NKAIN3: variants seen among roughly 807,000 people sequenced by gnomAD.
NKAIN3 encodes sodium/potassium transporting ATPase interacting 3, also known as sodium/potassium-transporting ATPase subunit beta-1-interacting protein 3.
A neutral mutation model predicts 30.2 loss-of-function variants in NKAIN3; 25 were observed. The observed-to-expected ratio is 0.83, with a 90% confidence interval of 0.60 to 1.16. The LOEUF is 1.16. NKAIN3 is among the 50% of genes most tolerant of loss of function. NKAIN3 has a pLI of 0.00. For synonymous variants in NKAIN3, 91 were observed against 89.6 expected, an observed-to-expected ratio of 1.02 and a Z score of -0.09; for missense variants, 225 against 254.1, an observed-to-expected ratio of 0.89 and a Z score of 0.78.
intron 4 of NKAIN3, among the ~76,000 whole-genome samples, chr8:62,872,450 T>G (rs1253143028): frequency 6.6e-6 from 1 of 152,198 alleles, no homozygotes; most frequent in African/African-American, 2.4e-5. Flanking sequence ...GTAAAGCTCA[T>G]GCACAACAGC....
intron 1 of NKAIN3, among the ~76,000 whole-genome samples, chr8:62,518,943 C>T (rs189848158): frequency 6.6e-6 from 1 of 152,124 alleles, no homozygotes; most frequent in East Asian, 1.9e-4. Context: ...ACTAGGCAAT[C>T]TCTCAGAGTC....
intron 1 of NKAIN3, among the ~76,000 whole-genome samples, chr8:62,427,641 G>A (rs532868498): frequency 1.2e-4 from 18 of 151,958 alleles, no homozygotes; most frequent in Admixed American, 1.2e-3. Context: ...TCCTACAAGT[G>A]TCATGTTTTC....
At chr8:62,889,096 C>T (rs998252644) in intron 4 of NKAIN3, among the ~76,000 whole-genome samples, 23 of 152,096 alleles carry the variant, frequency 1.5e-4, no homozygotes, top group Admixed American at 3.9e-4. Context: ...AGTCCAGGCA[C>T]GGTGACTCAC....
intron 4 of NKAIN3, among the ~76,000 whole-genome samples, chr8:62,885,571 C>T (rs1010625851): frequency 1.3e-5 from 2 of 152,200 alleles, no homozygotes; most frequent in African/African-American, 2.4e-5. Flanking sequence ...CATTTCTGAA[C>T]AGGGACATTG....
chr8:62,854,599 T>A (rs1563595093), intron 4 of NKAIN3, among the ~76,000 whole-genome samples: 1 of 152,220 alleles, frequency 6.6e-6, no homozygotes, highest in Non-Finnish European at 1.5e-5. Flanking sequence ...CTTTGCATGT[T>A]AGATAGCTCT....
intron 4 of NKAIN3, among the ~76,000 whole-genome samples, chr8:62,755,623 T>C (rs942953719): frequency 6.6e-6 from 1 of 151,986 alleles, no homozygotes; most frequent in African/African-American, 2.4e-5. Context: ...CCCAAAAGCC[T>C]CCCAGGATTA....
intron 4 of NKAIN3, among the ~76,000 whole-genome samples, chr8:62,881,180 C>G (rs4739016): frequency 2.6e-5 from 4 of 151,962 alleles, no homozygotes; most frequent in African/African-American, 9.7e-5. Flanking sequence ...ACTCTTGACA[C>G]TGTACATTCT....
At chr8:62,271,109 T>C (rs1812765998) in intron 1 of NKAIN3, among the ~76,000 whole-genome samples, 1 of 152,204 alleles carries the variant, frequency 6.6e-6, no homozygotes, top group African/African-American at 2.4e-5. Flanking sequence ...GCTTTAGTTT[T>C]AGTTAGAAAT....
At chr8:62,735,358 CTTTCTTTCTTTCTTTCTTTCTTTT>C (rs1307872802) in intron 3 of NKAIN3, among the ~76,000 whole-genome samples, 2 of 12,404 alleles carry the variant, frequency 1.6e-4, no homozygotes, top group African/African-American at 3.0e-4. Flanking sequence ...TTCTTTCTTT[CTTTCTTTCTTTCTTTCTTTCTTTT>C]TTTTTTTTTT....
chr8:62,654,914 G>A lies in NKAIN3; in HGVS notation c.273+65120G>A, dbSNP rs150663564. Among the ~76,000 whole-genome samples, 921 of 152,264 alleles carry A rather than the reference G, an allele frequency of 6.0e-3. 7 individuals are homozygous for A. Among genetic ancestry groups the A allele is most frequent in the Middle Eastern group, 0.031 (9 of 294 alleles). On this transcript the variant is annotated intron_variant, in intron 3 of 6. Transcript: ENST00000623646. The stretch of plus-strand genomic sequence containing the variant: ...AATCCCCATAGTTATGGGGAAGGAC[G>A]ATAGCAGGATTATTGCTATAGGTAG...
intron 3 of NKAIN3, among the ~76,000 whole-genome samples, chr8:62,686,035 A>C (rs957186213): frequency 1.3e-5 from 2 of 152,140 alleles, no homozygotes; most frequent in East Asian, 3.9e-4. Context: ...TTTCGAGAGA[A>C]ATCTGCATTG....
At chr8:62,870,738 T>C (rs1820614202) in intron 4 of NKAIN3, among the ~76,000 whole-genome samples, 1 of 96,124 alleles carries the variant, frequency 1.0e-5, no homozygotes, top group Non-Finnish European at 2.2e-5. Context: ...TATATCTATA[T>C]ATATCTAGAT....
chr8:62,941,383 C>A (rs536567885), intron 5 of NKAIN3, among the ~76,000 whole-genome samples: 2 of 152,104 alleles, frequency 1.3e-5, no homozygotes, highest in African/African-American at 4.8e-5. Flanking sequence ...AGAAGAAATT[C>A]TTCCTCAATC....
At chr8:62,684,908 A>G (rs560288031) in intron 3 of NKAIN3, among the ~76,000 whole-genome samples, 62 of 152,068 alleles carry the variant, frequency 4.1e-4, no homozygotes, top group Admixed American at 3.9e-3. Context: ...AGCCCTGTCT[A>G]CTCCTTGATT....
chr8:62,267,786 A>AGT (rs1812653255), intron 1 of NKAIN3, among the ~76,000 whole-genome samples: 1 of 152,318 alleles, frequency 6.6e-6, no homozygotes, highest in Admixed American at 6.5e-5. Flanking sequence ...TGCTACTGAA[A>AGT]ATATGTCCCA....
chr8:62,281,848 T>C (rs1184349288), intron 1 of NKAIN3, among the ~76,000 whole-genome samples: 1 of 152,156 alleles, frequency 6.6e-6, no homozygotes, highest in African/African-American at 2.4e-5. Flanking sequence ...TCAAATTGAA[T>C]ACAGGAAGCC....
chr8:62,890,817 A>T (rs185843283), intron 4 of NKAIN3, among the ~76,000 whole-genome samples: 92 of 152,300 alleles, frequency 6.0e-4, no homozygotes, highest in African/African-American at 2.1e-3. Context: ...TTTGTTTTTC[A>T]TTCCACCCTC....
At chr8:62,429,473 A>T (rs1018890177) in intron 1 of NKAIN3, among the ~76,000 whole-genome samples, 7 of 151,826 alleles carry the variant, frequency 4.6e-5, no homozygotes, top group Non-Finnish European at 4.4e-5. Context: ...ATCAAGAAGA[A>T]TGATCTTTTT....
At chr8:62,570,470 G>A (rs527510337) in intron 1 of NKAIN3, among the ~76,000 whole-genome samples, 1 of 152,286 alleles carries the variant, frequency 6.6e-6, no homozygotes, top group African/African-American at 2.4e-5. Context: ...CCACGTGGTT[G>A]GGAGGCCTCA....
Sources: allele counts gnomAD v4.1 joint callset (sites outside exome capture counted in the v4.1 genomes callset), GRCh38; gene constraint gnomAD v4.1.1; transcripts MANE v1.5; gene names NCBI Gene and HGNC (gene_info 2026-07-23, HGNC 2026-07-21).